The following FANCD2 variants were observed in gnomAD, a reference collection of about 807,000 sequenced individuals.
FANCD2 encodes Fanconi anemia group D2 protein.
FANCD2 carries 131 observed loss-of-function variants against 192.3 expected under a neutral mutation model. The ratio of observed to expected loss-of-function variants is 0.68; its 90% CI spans 0.59 to 0.79. The LOEUF (loss-of-function observed/expected upper bound fraction) is 0.79. Ranked by LOEUF, FANCD2 falls within the 30% of genes least tolerant of loss-of-function variation. The pLI is 0.00. For missense variants in FANCD2, 1,508 were observed against 1,701.6 expected (o/e 0.89, Z 2.00); for synonymous variants, 524 against 612.5 (o/e 0.86, Z 2.13).
At chr3:10,061,993 T>G (rs1309062897) in intron 19 of FANCD2, among the ~76,000 whole-genome samples, 158 bp from the exon 20 acceptor site, 1 of 141,718 alleles carries the variant, frequency 7.1e-6, no homozygotes, top group Non-Finnish European at 1.6e-5. Flanking sequence ...GGGGGAGGGA[T>G]AGCATTAGGA....
chr3:10,028,355 A>AG (rs2086508744), intron 1 of FANCD2, among the ~76,000 whole-genome samples: 1 of 152,176 alleles, frequency 6.6e-6, no homozygotes, highest in African/African-American at 2.4e-5. Context: ...TAGATAATGG[A>AG]GGGTCTTGAA....
At chr3:10,090,443 ATTTTTT>A (rs773716319) in intron 37 of FANCD2, 58 bp downstream of exon 37, 306 of 342,030 alleles carry the variant, frequency 8.9e-4, no homozygotes, top group Middle Eastern at 4.3e-3. Context: ...GAAGTTGCTG[ATTTTTT>A]TTTTTTTTTT....
rs564330583 is a variant in FANCD2 at position 10,070,356 on chromosome 3, C to T, written c.2495-2515C>T. ...GGGGGTCAGGCCCCGCCAGGCCAGC[C>T]GCCCCGTCCGGGAGGGAGGTCAGGG... On this transcript the variant is annotated intron_variant, in intron 26 of 43. Coordinates refer to ENST00000675286, the MANE Select transcript of FANCD2 (RefSeq NM_001018115.3). Among the ~76,000 whole-genome samples the T allele has an allele frequency of 9.7e-3, 1,422 of 145,976 alleles. 28 individuals carry two copies. Among genetic ancestry groups the T allele is most frequent in the African/African-American group, 0.035 (1,336 of 38,696 alleles).
At chr3:10,087,921 A>G (rs1254989970) in intron 34 of FANCD2, among the ~76,000 whole-genome samples, 1 of 152,186 alleles carries the variant, frequency 6.6e-6, no homozygotes, top group Non-Finnish European at 1.5e-5. Flanking sequence ...TGCTGGGATT[A>G]CAGACGTGAG....
At chr3:10,060,452 C>A in intron 19 of FANCD2, 49 bp downstream of exon 19, 1 of 1,360,458 alleles carries the variant, frequency 7.4e-7, no homozygotes, top group Non-Finnish European at 1.1e-6. Flanking sequence ...GTTAATCTTG[C>A]TAACTAAGTG....
At chr3:10,090,470 T>C (rs1017880445) in intron 37 of FANCD2, 85 bp downstream of exon 37, 1 of 845,042 alleles carries the variant, frequency 1.2e-6, no homozygotes, top group South Asian at 1.5e-5. Context: ...TTTTTTTTTT[T>C]TCTGAGACAG....
intron 7 of FANCD2, among the ~76,000 whole-genome samples, chr3:10,038,176 G>T (rs2086777639): frequency 6.6e-6 from 1 of 152,124 alleles, no homozygotes; most frequent in Non-Finnish European, 1.5e-5. Context: ...ATTTTTAGTA[G>T]ATATGAGGTT....
chr3:10,090,378 CGCA>C lies in FANCD2; in HGVS notation c.3775_3777del (p.Gln1259del), dbSNP rs1559405944. On this transcript the variant is annotated inframe_deletion, in exon 37 of 44. Transcript: ENST00000675286. ...ATTGAGCCTGGCACAGCAGCAGACT[CGCA>C]GCAGGTGAGTAAGATAATAGTCACT... The C allele has an allele frequency of 6.2e-7, 1 of 1,604,958 alleles. No individual in the cohort carries two copies. The highest frequency in any genetic ancestry group is 1.1e-5 in the South Asian group (1 of 90,916).
At chr3:10,060,676 C>A (rs1185689326) in intron 19 of FANCD2, among the ~76,000 whole-genome samples, 1 of 152,158 alleles carries the variant, frequency 6.6e-6, no homozygotes, top group Admixed American at 6.5e-5. Flanking sequence ...AAAATGGGAA[C>A]CCTGATTCTT....
chr3:10,098,612 A>G, intron 42 of FANCD2, 108 bp from the exon 43 acceptor site: 1 of 1,396,444 alleles, frequency 7.2e-7, no homozygotes, highest in Non-Finnish European at 9.8e-7. Flanking sequence ...CTGTGTTTTG[A>G]ATGGCTAAAA....
intron 16 of FANCD2, among the ~76,000 whole-genome samples, chr3:10,049,129 G>T (rs1385843438): frequency 6.6e-6 from 1 of 152,010 alleles, no homozygotes; most frequent in Non-Finnish European, 1.5e-5. Context: ...AGCAAAATCA[G>T]GAGGGCTTAG....
chr3:10,087,283 T>A lies in FANCD2; in HGVS notation c.3466+19T>A. 1.6e-6 allele frequency: 1 copy of A among 634,456 alleles called. No homozygotes were observed. The highest frequency in any genetic ancestry group is 2.2e-6 in the Non-Finnish European group (1 of 451,314). The allele number at this position is 634,456 out of a possible 1,614,324, so 39.3% of individuals were successfully genotyped here. ...AAAATTGGTGATGGGCCTAGATCCT[T>A]TTTTTTTTTTTTTTTTTAATGAATA... On this transcript the variant is annotated intron_variant, in intron 34 of 43. Coordinates refer to ENST00000675286, the MANE Select transcript of FANCD2 (RefSeq NM_001018115.3).
At chr3:10,053,392 C>T (rs35730671) in intron 18 of FANCD2, among the ~76,000 whole-genome samples, 211 of 50,094 alleles carry the variant, frequency 4.2e-3, no homozygotes, top group African/African-American at 0.016. Context: ...TGGGGGGAGG[C>T]GGGAGGGATA....
Position 10,036,309 on chromosome 3 carries a change from T to C in FANCD2, c.461T>C (p.Phe154Ser), listed in dbSNP as rs200668378. 2.0e-5 allele frequency: 32 copies of C among 1,613,108 alleles called. No individual in the cohort carries two copies. The highest frequency in any genetic ancestry group is 2.5e-5 in the Non-Finnish European group (29 of 1,179,266). Residue 154 changes from phenylalanine (F) to serine (S), a missense_variant, in exon 7 of 44, where the codon TTT (phenylalanine) becomes TCT (serine). Coordinates refer to ENST00000675286, the MANE Select transcript of FANCD2 (RefSeq NM_001018115.3). ...ILQPAIIKTL[F>S]EKLPEYFFEN... ...TAGCCTGCCATTATCAAAACCTTATTTGAGAAGTTGCCAGAATATTTTTTT... is the reference window on the plus strand; with the variant it reads ...TAGCCTGCCATTATCAAAACCTTATCTGAGAAGTTGCCAGAATATTTTTTT...
intron 25 of FANCD2, 142 bp downstream of exon 25, chr3:10,066,121 C>T: frequency 1.5e-6 from 1 of 669,858 alleles, no homozygotes; most frequent in Non-Finnish European, 2.7e-6. Context: ...CCCACCACTC[C>T]CCAGTTATAT....
intron 7 of FANCD2, among the ~76,000 whole-genome samples, chr3:10,037,232 A>G (rs867505738): frequency 6.6e-6 from 1 of 152,206 alleles, no homozygotes; most frequent in African/African-American, 2.4e-5. Context: ...AGAACATCAA[A>G]TATTTAAAAA....
intron 32 of FANCD2, chr3:10,083,738 A>C (rs537245323): frequency 2.0e-5 from 3 of 151,890 alleles, no homozygotes; most frequent in African/African-American, 4.8e-5. Flanking sequence ...AATACAAAAA[A>C]TTAGCCGAGC....
intron 41 of FANCD2, among the ~76,000 whole-genome samples, chr3:10,095,561 C>G (rs1170170619): frequency 2.0e-5 from 3 of 152,192 alleles, no homozygotes; most frequent in African/African-American, 7.2e-5. Context: ...CTGCAAAGTC[C>G]TCTAGGTAAC....
At chr3:10,028,531 GA>G in intron 1 of FANCD2, 93 bp from the exon 2 acceptor site, 2 of 812,680 alleles carry the variant, frequency 2.5e-6, no homozygotes, top group Non-Finnish European at 4.2e-6. Flanking sequence ...GAGCCCCTCT[GA>G]TTTTGGATAG....
Sources: gnomAD v4.1 joint callset for allele counts (sites outside exome capture counted in the v4.1 genomes callset) on GRCh38, gnomAD v4.1.1 for gene constraint, MANE v1.5 for transcripts, NCBI Gene and HGNC (gene_info 2026-07-23, HGNC 2026-07-21) for gene names.